Variants in AP1S3 observed in about 807,000 individuals in gnomAD.
The protein encoded by AP1S3 is AP-1 complex subunit sigma-3.
AP1S3 carries 10 observed loss-of-function variants against 20.9 expected under a neutral mutation model. The observed-to-expected ratio is 0.48, with a 90% CI of 0.29 to 0.81. The LOEUF (loss-of-function observed/expected upper bound fraction) is 0.81. Among genes scored for constraint, AP1S3 ranks in the 30% least tolerant of loss-of-function variants. The probability of loss-of-function intolerance (pLI) is 0.08; values close to 1 mark genes in which losing one functional copy is unlikely to be tolerated. For synonymous variants in AP1S3, 41 were observed against 61.5 expected, an observed-to-expected ratio of 0.67 and a Z score of 1.56; for missense variants, 154 against 183.8, an observed-to-expected ratio of 0.84 and a Z score of 0.94.
intron 2 of AP1S3, chr2:223,776,220 G>A (rs184120110): frequency 8.1e-5 from 53 of 654,134 alleles, no homozygotes; most frequent in African/African-American, 6.6e-4. Context: ...CATTAATTAC[G>A]CATGAAAGAC....
At chr2:223,781,334 A>T (rs1230800028) in intron 1 of AP1S3, among the ~76,000 whole-genome samples, 1 of 152,146 alleles carries the variant, frequency 6.6e-6, no homozygotes, top group Non-Finnish European at 1.5e-5. Flanking sequence ...AAACCAATTT[A>T]AAAACCCTCC....
intron 1 of AP1S3, among the ~76,000 whole-genome samples, chr2:223,779,801 C>G (rs1688770707): frequency 6.6e-6 from 1 of 152,010 alleles, no homozygotes; most frequent in South Asian, 2.1e-4. Flanking sequence ...AACCCCGTCT[C>G]TAATAAAAAT....
chr2:223,784,908 G>A (rs1008589532), intron 1 of AP1S3, among the ~76,000 whole-genome samples: 2 of 152,088 alleles, frequency 1.3e-5, no homozygotes, highest in Admixed American at 1.3e-4. Context: ...GACAAATATT[G>A]AGGCATTAGA....
At chr2:223,765,179 A>G in intron 4 of AP1S3, 34 bp downstream of exon 4, 2 of 1,607,580 alleles carry the variant, frequency 1.2e-6, no homozygotes, top group Non-Finnish European at 1.7e-6. Context: ...CATCATCATC[A>G]TCTTTCTCCC....
At chr2:223,833,507 T>G (rs1692325074) in intron 1 of AP1S3, among the ~76,000 whole-genome samples, 1 of 152,154 alleles carries the variant, frequency 6.6e-6, no homozygotes, top group Admixed American at 6.6e-5. Context: ...ATATGAAATC[T>G]CTGTGCCAGA....
chr2:223,802,312 T>A (rs946639420), intron 1 of AP1S3, among the ~76,000 whole-genome samples: 28 of 152,018 alleles, frequency 1.8e-4, no homozygotes, highest in South Asian at 6.2e-4. Flanking sequence ...ATTTTATTTT[T>A]TTTTTTTGGA....
At chr2:223,837,281 G>T (rs2106048811) in intron 1 of AP1S3, among the ~76,000 whole-genome samples, 167 bp downstream of exon 1, 1 of 151,848 alleles carries the variant, frequency 6.6e-6, no homozygotes, top group East Asian at 2.0e-4. Flanking sequence ...TGGCGCGTCC[G>T]CACCGTCTGG....
intron 3 of AP1S3, among the ~76,000 whole-genome samples, chr2:223,765,872 CAG>C (rs1690465723): frequency 6.6e-6 from 1 of 152,200 alleles, no homozygotes; most frequent in African/African-American, 2.4e-5. Flanking sequence ...AGCCCACCCC[CAG>C]AGTTTATGAC....
At chr2:223,820,540 C>T (rs1691962569) in intron 1 of AP1S3, among the ~76,000 whole-genome samples, 2 of 138,860 alleles carry the variant, frequency 1.4e-5, no homozygotes, top group African/African-American at 5.0e-5. Context: ...ACATACTATC[C>T]CTATCATCCA....
intron 1 of AP1S3, among the ~76,000 whole-genome samples, chr2:223,782,299 C>T (rs1690969502): frequency 6.6e-6 from 1 of 152,196 alleles, no homozygotes; most frequent in South Asian, 2.1e-4. Flanking sequence ...AGGTGTAAGC[C>T]ACTGTGCCTG....
At chr2:223,787,595 A>G (rs1211374092) in intron 1 of AP1S3, among the ~76,000 whole-genome samples, 1 of 152,236 alleles carries the variant, frequency 6.6e-6, no homozygotes, top group Admixed American at 6.5e-5. Context: ...GCCTGAGAGC[A>G]ATACTTGGGG....
chr2:223,778,111 G>GTT (rs200511089), intron 1 of AP1S3, among the ~76,000 whole-genome samples: 3 of 149,528 alleles, frequency 2.0e-5, no homozygotes, highest in African/African-American at 7.5e-5. Flanking sequence ...GTTTTTTTTT[G>GTT]TTTTTTTTGT....
intron 1 of AP1S3, among the ~76,000 whole-genome samples, chr2:223,832,207 A>C (rs1326514108): frequency 3.8e-5 from 5 of 133,230 alleles, no homozygotes; most frequent in Non-Finnish European, 6.2e-5. Flanking sequence ...TAATTTTATC[A>C]TTATGTCTTA....
intron 1 of AP1S3, among the ~76,000 whole-genome samples, chr2:223,828,058 TAAA>T (rs527671959): frequency 5.5e-3 from 508 of 93,188 alleles, no homozygotes; most frequent in East Asian, 0.011. Context: ...AGACTTCATC[TAAA>T]AAAAAAAAAA....
At chr2:223,795,265 A>T (rs1056386266) in intron 1 of AP1S3, among the ~76,000 whole-genome samples, 3 of 152,134 alleles carry the variant, frequency 2.0e-5, no homozygotes, top group South Asian at 2.1e-4. Context: ...TTAAAAAAAA[A>T]TTTTAAAAAT....
intron 1 of AP1S3, among the ~76,000 whole-genome samples, chr2:223,819,179 C>G (rs778687435): frequency 1.3e-5 from 2 of 152,174 alleles, no homozygotes; most frequent in African/African-American, 4.8e-5. Flanking sequence ...GCCAAAACCA[C>G]GCCCAGCCCT....
intron 1 of AP1S3, among the ~76,000 whole-genome samples, chr2:223,822,468 T>C (rs1049519986): frequency 2.6e-5 from 4 of 152,072 alleles, no homozygotes; most frequent in Non-Finnish European, 5.9e-5. Context: ...GTGGATCACC[T>C]GAGGTCAGGA....
At chr2:223,776,368 C>A (rs1252969625) in intron 2 of AP1S3, among the ~76,000 whole-genome samples, 1 of 152,206 alleles carries the variant, frequency 6.6e-6, no homozygotes, top group Non-Finnish European at 1.5e-5. Context: ...CCAGTGCTGT[C>A]AGGAGCCCAC....
intron 1 of AP1S3, among the ~76,000 whole-genome samples, chr2:223,780,357 A>AGAGTGT (rs1559280905): frequency 2.2e-4 from 10 of 44,452 alleles, no homozygotes; most frequent in African/African-American, 3.4e-4. Flanking sequence ...AGAGAGAGAG[A>AGAGTGT]GTGTGTGTGT....
Sources: allele counts gnomAD v4.1 joint callset (sites outside exome capture counted in the v4.1 genomes callset), GRCh38; gene constraint gnomAD v4.1.1; transcripts MANE v1.5; gene names NCBI Gene and HGNC (gene_info 2026-07-23, HGNC 2026-07-21).